Variants in GALNT13 observed in about 807,000 individuals in gnomAD.
GALNT13 encodes polypeptide N-acetylgalactosaminyltransferase 13.
In GALNT13, 28 loss-of-function variants were observed where a neutral mutation model predicts 64.2. That is an observed-to-expected ratio of 0.44 (90% confidence interval 0.32 to 0.60). GALNT13 has a LOEUF of 0.60. Ranked by LOEUF, GALNT13 falls within the 20% of genes least tolerant of loss-of-function variation. GALNT13 has a pLI of 0.05. For synonymous variants in GALNT13, 214 were observed against 224.6 expected, an observed-to-expected ratio of 0.95 and a Z score of 0.42; for missense variants, 577 against 669.8, an observed-to-expected ratio of 0.86 and a Z score of 1.53.
chr2:153,248,173 A>T, the GALNT13 span, among the ~76,000 whole-genome samples: 1 of 152,180 alleles, frequency 6.6e-6, no homozygotes, highest in Non-Finnish European at 1.5e-5. Context: ...AACTATTCCA[A>T]ACAAAAGAAA....
the GALNT13 span, among the ~76,000 whole-genome samples, chr2:153,242,951 C>T: frequency 6.6e-6 from 1 of 152,144 alleles, no homozygotes; most frequent in Non-Finnish European, 1.5e-5. Flanking sequence ...ATGGTTTTGA[C>T]TTTTGGGATT....
intron 9 of GALNT13, among the ~76,000 whole-genome samples, chr2:154,360,905 G>A (rs1253355487): frequency 6.6e-6 from 1 of 152,014 alleles, no homozygotes; most frequent in African/African-American, 2.4e-5. Flanking sequence ...GGATTATAAA[G>A]ATGAATCATA....
chr2:154,015,112 A>ATG (rs1696919390), intron 3 of GALNT13, among the ~76,000 whole-genome samples: 1 of 152,208 alleles, frequency 6.6e-6, no homozygotes, highest in Non-Finnish European at 1.5e-5. Context: ...AATGCCTCAT[A>ATG]TGTGTGGGCA....
At chr2:154,052,905 T>A (rs1311830339) in intron 3 of GALNT13, among the ~76,000 whole-genome samples, 1 of 151,604 alleles carries the variant, frequency 6.6e-6, no homozygotes, top group Non-Finnish European at 1.5e-5. Context: ...CCCGGCTAAT[T>A]TTTTTGTATT....
the GALNT13 span, among the ~76,000 whole-genome samples, chr2:153,121,811 G>T: frequency 1.3e-5 from 2 of 152,162 alleles, no homozygotes; most frequent in African/African-American, 4.8e-5. Context: ...TGGGATTACA[G>T]GCATGAGCTA....
chr2:153,373,266 A>G, the GALNT13 span, among the ~76,000 whole-genome samples: 2 of 152,154 alleles, frequency 1.3e-5, no homozygotes, highest in South Asian at 4.1e-4. Flanking sequence ...AGTAAGTCAC[A>G]CAAGCATGAC....
intron 3 of GALNT13, among the ~76,000 whole-genome samples, chr2:153,955,863 G>T (rs1267807778): frequency 6.6e-6 from 1 of 152,172 alleles, no homozygotes; most frequent in African/African-American, 2.4e-5. Context: ...CCCCTGACTT[G>T]AAGTCCTCTG....
At chr2:153,898,730 A>G (rs1226273523) in intron 1 of GALNT13, among the ~76,000 whole-genome samples, 1 of 152,078 alleles carries the variant, frequency 6.6e-6, no homozygotes, top group African/African-American at 2.4e-5. Flanking sequence ...GATTGAAATA[A>G]GATAACCAAT....
intron 3 of GALNT13, among the ~76,000 whole-genome samples, chr2:154,056,145 AAAG>A (rs1331305546): frequency 6.6e-6 from 1 of 152,176 alleles, no homozygotes; most frequent in East Asian, 1.9e-4. Context: ...AAAAAGAAAA[AAAG>A]GAAAAAACTC....
chr2:153,362,688 C>G, the GALNT13 span, among the ~76,000 whole-genome samples: 10 of 151,548 alleles, frequency 6.6e-5, no homozygotes, highest in African/African-American at 9.7e-5. Context: ...GAAGAGCTAA[C>G]TATACTAAAT....
intron 4 of GALNT13, among the ~76,000 whole-genome samples, chr2:154,145,100 C>CTATCTATCTATCTATCTA (rs796615512): frequency 3.8e-4 from 45 of 119,524 alleles, no homozygotes; most frequent in Non-Finnish European, 6.5e-4. Context: ...ATCTATCTAT[C>CTATCTATCTATCTATCTA]TATATATATA....
the GALNT13 span, among the ~76,000 whole-genome samples, chr2:153,431,238 A>G: frequency 1.3e-5 from 2 of 151,390 alleles, no homozygotes. Context: ...TGCCTAGTTT[A>G]AGTTAATAAC....
At chr2:153,379,323 C>G in the GALNT13 span, among the ~76,000 whole-genome samples, 1 of 152,008 alleles carries the variant, frequency 6.6e-6, no homozygotes, top group African/African-American at 2.4e-5. Context: ...TAATTCTTAA[C>G]CCTAGTACTA....
chr2:154,154,203 C>A (rs1230640104), intron 4 of GALNT13, among the ~76,000 whole-genome samples: 1 of 152,056 alleles, frequency 6.6e-6, no homozygotes, highest in Non-Finnish European at 1.5e-5. Context: ...GCAATTAAAT[C>A]TGATAGTTTT....
At chr2:153,260,129 T>G in the GALNT13 span, among the ~76,000 whole-genome samples, 1 of 152,220 alleles carries the variant, frequency 6.6e-6, no homozygotes, top group Admixed American at 6.5e-5. Flanking sequence ...CTTTTTAACT[T>G]TTTGTCACTT....
chr2:154,216,006 A>G (rs1052309491), intron 4 of GALNT13, among the ~76,000 whole-genome samples: 5 of 151,874 alleles, frequency 3.3e-5, no homozygotes, highest in African/African-American at 9.7e-5. Context: ...TTAGAAATAT[A>G]AAACAAATTA....
intron 12 of GALNT13, among the ~76,000 whole-genome samples, chr2:154,444,927 C>T (rs1291842657): frequency 6.6e-6 from 1 of 151,756 alleles, no homozygotes; most frequent in African/African-American, 2.4e-5. Context: ...AAAATGCCCA[C>T]AACATGAATA....
chr2:154,110,851 T>C (rs1702945775), intron 3 of GALNT13, among the ~76,000 whole-genome samples: 1 of 152,102 alleles, frequency 6.6e-6, no homozygotes, highest in Admixed American at 6.5e-5. Flanking sequence ...ATACATAATC[T>C]TCAAATAAAG....
rs1701862939 is a variant in GALNT13 at position 154,451,309 on chromosome 2, A to T, written c.*758A>T. On this transcript the variant is annotated 3_prime_UTR_variant, in exon 13 of 13. Transcript: ENST00000392825. ...TTCCTAACACAGGCTGAAACTAAAC[A>T]ATCTTGCTCCTAGAGTTTATGTTGG... 1 of 152,108 alleles carries T rather than the reference A, an allele frequency of 6.6e-6. No homozygotes were observed. The highest frequency in any genetic ancestry group is 2.1e-4 in the South Asian group (1 of 4,834). 9.4% of individuals were successfully genotyped at this position (152,108 alleles called of 1,614,324 possible). A position where few individuals can be genotyped will look rare whatever the true frequency, so the allele number is the denominator to read the frequency against.
Sources: gnomAD v4.1 joint callset for allele counts (sites outside exome capture counted in the v4.1 genomes callset) on GRCh38, gnomAD v4.1.1 for gene constraint, MANE v1.5 for transcripts, NCBI Gene and HGNC (gene_info 2026-07-23, HGNC 2026-07-21) for gene names.